Variants in CLMP observed in about 807,000 individuals in gnomAD.
CLMP encodes the protein CXADR-like membrane protein.
In CLMP, 27 loss-of-function variants were observed where a neutral mutation model predicts 45.2. The ratio of observed to expected loss-of-function variants is 0.60; its 90% CI spans 0.44 to 0.82. The LOEUF (loss-of-function observed/expected upper bound fraction) is 0.82. Among genes scored for constraint, CLMP ranks in the 40% least tolerant of loss-of-function variants. The probability of loss-of-function intolerance (pLI) is 0.00; values close to 1 mark genes in which losing one functional copy is unlikely to be tolerated. For missense variants in CLMP, 403 were observed against 448.4 expected (o/e 0.90, Z 0.91); for synonymous variants, 167 against 171.4 (o/e 0.97, Z 0.20).
chr11:123,110,667 C>T (rs10458941), intron 1 of CLMP, among the ~76,000 whole-genome samples: 35,255 of 151,804 alleles, frequency 0.23, 4,679 homozygotes, highest in African/African-American at 0.35. Flanking sequence ...ACCTGAGCTG[C>T]GGGCGTCAGT....
intron 3 of CLMP, 38 bp from the exon 4 acceptor site, chr11:123,083,885 A>G: frequency 6.2e-7 from 1 of 1,605,392 alleles, no homozygotes; most frequent in Non-Finnish European, 8.5e-7. Flanking sequence ...GTAGTGATTC[A>G]AAGATCCCCA....
intron 2 of CLMP, among the ~76,000 whole-genome samples, chr11:123,097,051 T>G (rs1376558598): frequency 6.6e-6 from 1 of 152,130 alleles, no homozygotes; most frequent in Non-Finnish European, 1.5e-5. Flanking sequence ...GGAGTCTCAC[T>G]TTGTTGCCCA....
chr11:123,175,491 T>C (rs1356666458), intron 1 of CLMP, among the ~76,000 whole-genome samples: 3 of 152,024 alleles, frequency 2.0e-5, no homozygotes, highest in Non-Finnish European at 2.9e-5. Context: ...GAGATGAGAT[T>C]TGAGTGAGGA....
At chr11:123,137,147 C>CTTTTTTTTTTTTTTTTTTTTT (rs375816483) in intron 1 of CLMP, among the ~76,000 whole-genome samples, 16 of 82,462 alleles carry the variant, frequency 1.9e-4, no homozygotes, top group South Asian at 4.8e-4. Flanking sequence ...TTTTCTTTTT[C>CTTTTTTTTTTTTTTTTTTTTT]TTTTTTTTTT....
At chr11:123,155,495 C>T (rs1475336753) in intron 1 of CLMP, among the ~76,000 whole-genome samples, 1 of 152,154 alleles carries the variant, frequency 6.6e-6, no homozygotes, top group Non-Finnish European at 1.5e-5. Context: ...GGTACTTACG[C>T]CCATCGTGTG....
At chr11:123,106,340 A>G (rs1347062586) in intron 1 of CLMP, among the ~76,000 whole-genome samples, 1 of 149,838 alleles carries the variant, frequency 6.7e-6, no homozygotes, top group African/African-American at 2.5e-5. Flanking sequence ...GGCAGACGGG[A>G]AGTTTTCCCT....
At chr11:123,087,469 A>T (rs1238917756) in intron 2 of CLMP, among the ~76,000 whole-genome samples, 1 of 152,184 alleles carries the variant, frequency 6.6e-6, no homozygotes, top group Non-Finnish European at 1.5e-5. Context: ...AGATTATGCC[A>T]CTGCACTCCA....
At chr11:123,134,121 G>C (rs190906879) in intron 1 of CLMP, among the ~76,000 whole-genome samples, 1 of 151,908 alleles carries the variant, frequency 6.6e-6, no homozygotes, top group Non-Finnish European at 1.5e-5. Flanking sequence ...TTCGCCAGGC[G>C]TGGTGGCACA....
Position 123,144,957 on chromosome 11 carries a change from G to A in CLMP, c.29-47005C>T, listed in dbSNP as rs537190208. 3.3e-5 allele frequency among the ~76,000 whole-genome samples: 5 copies of A among 152,110 alleles called. No homozygotes were observed. The South Asian group carries it at 1.0e-3, about 31-fold the overall frequency. On this transcript the variant is annotated intron_variant, in intron 1 of 6. Transcript: ENST00000448775. The stretch of plus-strand genomic sequence containing the variant: ...TCGAGTGCTGCACCAGCCACTACAT[G>A]TGGCAATGGAGCAATTGAAATGTGG...
chr11:123,106,824 T>A (rs557267080), intron 1 of CLMP, among the ~76,000 whole-genome samples: 122 of 151,848 alleles, frequency 8.0e-4, no homozygotes, highest in African/African-American at 2.9e-3. Context: ...ATCGAGACCA[T>A]CCTGGCTAAC....
intron 1 of CLMP, among the ~76,000 whole-genome samples, chr11:123,138,810 C>A (rs551406790): frequency 2.0e-5 from 3 of 152,112 alleles, no homozygotes; most frequent in East Asian, 1.9e-4. Context: ...TGCACCACCA[C>A]ACCCAGCTAA....
intron 1 of CLMP, among the ~76,000 whole-genome samples, chr11:123,190,338 A>G (rs999808512): frequency 6.6e-6 from 1 of 152,216 alleles, no homozygotes; most frequent in Admixed American, 6.5e-5. Context: ...AGTGCCTGAA[A>G]AAATCAATAA....
At chr11:123,080,426 C>T (rs1865791558) in intron 5 of CLMP, among the ~76,000 whole-genome samples, 1 of 150,792 alleles carries the variant, frequency 6.6e-6, no homozygotes, top group African/African-American at 2.4e-5. Flanking sequence ...CTCCCGGGTT[C>T]AAGTGATTCT....
chr11:123,154,282 T>C (rs1861381889), intron 1 of CLMP, among the ~76,000 whole-genome samples: 1 of 152,168 alleles, frequency 6.6e-6, no homozygotes, highest in East Asian at 1.9e-4. Flanking sequence ...GAAGCTGGTA[T>C]GGACCAGAAA....
At chr11:123,139,758 G>A (rs1216164299) in intron 1 of CLMP, among the ~76,000 whole-genome samples, 1 of 152,134 alleles carries the variant, frequency 6.6e-6, no homozygotes, top group African/African-American at 2.4e-5. Flanking sequence ...GGAGGTTGCA[G>A]TGAGCCGAGA....
chr11:123,076,020 A>G (rs1865735630), intron 5 of CLMP, among the ~76,000 whole-genome samples: 1 of 152,120 alleles, frequency 6.6e-6, no homozygotes, highest in Non-Finnish European at 1.5e-5. Flanking sequence ...TAAAAATACA[A>G]AAGTTATCTG....
In CLMP at chr11:123,119,272, G is replaced by A. The variant is rs533843495; in HGVS notation, c.29-21320C>T. Among the ~76,000 whole-genome samples, 37 of 151,682 alleles carry A rather than the reference G, an allele frequency of 2.4e-4. No homozygotes were observed. In the South Asian group the frequency reaches 7.3e-3, roughly 30 times the overall value. ...CTAATTTTGTATTTTTAGTAGAGAG[G>A]GGGTTTCTCCATGTTGGTCAGACTG... is the stretch of plus-strand genomic sequence containing the variant. On this transcript the variant is annotated intron_variant, in intron 1 of 6. Transcript: ENST00000448775.
At chr11:123,144,568 C>G (rs1861211266) in intron 1 of CLMP, among the ~76,000 whole-genome samples, 1 of 152,102 alleles carries the variant, frequency 6.6e-6, no homozygotes. Flanking sequence ...CGAAGTTTCT[C>G]CATGTTGGTC....
Position 123,103,832 on chromosome 11 carries a change from C to CTT in CLMP, c.29-5882_29-5881dup, listed in dbSNP as rs372976967. ...GCAGAGAGGGGCCTGGGTTCTGTCTCTTTTTTTTTTTTTTTGAGACAGAGT... is the reference window on the plus strand; with the variant it reads ...GCAGAGAGGGGCCTGGGTTCTGTCTCTTTTTTTTTTTTTTTTTGAGACAGAGT... On this transcript the variant is annotated intron_variant, in intron 1 of 6. Transcript: ENST00000448775. Among the ~76,000 whole-genome samples, 59 of 137,328 alleles carry CTT rather than the reference C, an allele frequency of 4.3e-4. 1 individual carries two copies. Among genetic ancestry groups the CTT allele is most frequent in the African/African-American group, 1.2e-3 (45 of 37,240 alleles). 90.1% of individuals were successfully genotyped at this position (137,328 alleles called of 152,430 possible). A position where few individuals can be genotyped will look rare whatever the true frequency, so the allele number is the denominator to read the frequency against.
Sources: allele counts gnomAD v4.1 joint callset (sites outside exome capture counted in the v4.1 genomes callset), GRCh38; gene constraint gnomAD v4.1.1; transcripts MANE v1.5; gene names NCBI Gene and HGNC (gene_info 2026-07-23, HGNC 2026-07-21).